ADARB2: variants seen among roughly 807,000 people sequenced by gnomAD.
ADARB2 encodes adenosine deaminase RNA specific B2 (inactive).
In ADARB2, 25 loss-of-function variants were observed where a neutral mutation model predicts 62.2. The ratio of observed to expected loss-of-function variants is 0.40; its 90% CI spans 0.29 to 0.56. The LOEUF is 0.56. Among genes scored for constraint, ADARB2 ranks in the 20% least tolerant of loss-of-function variants. ADARB2 has a pLI of 0.43. For synonymous variants in ADARB2, 572 were observed against 500.8 expected (o/e 1.14, Z -1.90); for missense variants, 1,071 against 1,077.4 (o/e 0.99, Z 0.08).
chr10:1,636,986 G>A (rs1375554790), intron 1 of ADARB2, among the ~76,000 whole-genome samples: 2 of 150,512 alleles, frequency 1.3e-5, no homozygotes, highest in Admixed American at 1.3e-4. Context: ...TTTAACTTTT[G>A]GCACTTACAA....
intron 1 of ADARB2, among the ~76,000 whole-genome samples, 171 bp downstream of exon 1, chr10:1,736,880 G>C (rs1055247155): frequency 1.4e-4 from 21 of 152,224 alleles, no homozygotes; most frequent in Non-Finnish European, 1.6e-4. Flanking sequence ...GGAGGCCCCA[G>C]ACATTTCCAC....
intron 3 of ADARB2, among the ~76,000 whole-genome samples, chr10:1,294,388 T>C (rs1309947213): frequency 6.6e-6 from 1 of 152,168 alleles, no homozygotes; most frequent in Non-Finnish European, 1.5e-5. Context: ...CACTTACCCA[T>C]CTTCAGTGTG....
rs2676737 is a variant in ADARB2, at chr10:1,524,576, C to G, written c.101-145416G>C. The stretch of plus-strand genomic sequence containing the variant: ...AGCCCTAATGAAAAATGTAGTATCT[C>G]CCACTTCTCCTTTCTATTGCCTTTT... On this transcript the variant is annotated intron_variant, in intron 1 of 9. Coordinates refer to ENST00000381312, the MANE Select transcript of ADARB2 (RefSeq NM_018702.4). Among the ~76,000 whole-genome samples, 1,075 of 152,282 alleles carry G rather than the reference C, an allele frequency of 7.1e-3. 15 individuals carry two copies. The highest frequency in any genetic ancestry group is 0.025 in the African/African-American group (1,028 of 41,554).
At chr10:1,273,215 C>T (rs1269371981) in intron 3 of ADARB2, among the ~76,000 whole-genome samples, 3 of 152,230 alleles carry the variant, frequency 2.0e-5, no homozygotes, top group African/African-American at 2.4e-5. Context: ...GCTGCACCCT[C>T]GTTTACTCTT....
chr10:1,606,642 CG>C (rs1833497565), intron 1 of ADARB2, among the ~76,000 whole-genome samples: 1 of 152,032 alleles, frequency 6.6e-6, no homozygotes, highest in Admixed American at 6.5e-5. Context: ...TCTTTCTGGC[CG>C]GAAGTTCTTT....
chr10:1,666,382 A>G (rs1349025493), intron 1 of ADARB2, among the ~76,000 whole-genome samples: 1 of 152,240 alleles, frequency 6.6e-6, no homozygotes, highest in Non-Finnish European at 1.5e-5. Flanking sequence ...AAGGGGGGCC[A>G]GTAGCACATG....
chr10:1,633,532 T>C (rs1406894475), intron 1 of ADARB2, among the ~76,000 whole-genome samples: 1 of 128,316 alleles, frequency 7.8e-6, no homozygotes, highest in Non-Finnish European at 1.8e-5. Flanking sequence ...AGTCTGTCTG[T>C]CTGTCTGTCT....
At chr10:1,307,682 A>G (rs1260087981) in intron 3 of ADARB2, among the ~76,000 whole-genome samples, 1 of 98,842 alleles carries the variant, frequency 1.0e-5, no homozygotes, top group Admixed American at 1.1e-4. Flanking sequence ...AACCAACCCA[A>G]ATGTCCAATA....
At chr10:1,344,622 C>T (rs571998809) in intron 3 of ADARB2, among the ~76,000 whole-genome samples, 9 of 152,346 alleles carry the variant, frequency 5.9e-5, no homozygotes, top group African/African-American at 1.7e-4. Context: ...GAGTCGCACA[C>T]GGACCCCATG....
chr10:1,260,042 G>A (rs372102357), intron 4 of ADARB2, among the ~76,000 whole-genome samples: 5 of 151,932 alleles, frequency 3.3e-5, no homozygotes, highest in Non-Finnish European at 2.9e-5. Flanking sequence ...AGAACCAAAG[G>A]CAAAAACCAC....
intron 1 of ADARB2, among the ~76,000 whole-genome samples, chr10:1,532,496 G>T (rs1342532183): frequency 6.6e-6 from 1 of 152,084 alleles, no homozygotes; most frequent in Non-Finnish European, 1.5e-5. Context: ...TCTGCTGTGG[G>T]CCTGTAGCTG....
In ADARB2 at chr10:1,737,446, G is replaced by A. The variant is rs1013349537; in HGVS notation, c.-296C>T. 2.4e-5 allele frequency: 10 copies of A among 417,972 alleles called. No individual in the cohort carries two copies. The highest frequency in any genetic ancestry group is 4.4e-5 in the Non-Finnish European group (10 of 229,080). The allele number at this position is 417,972 out of a possible 1,614,324, so 25.9% of individuals were successfully genotyped here. On this transcript the variant is annotated 5_prime_UTR_variant, in exon 1 of 10. Transcript: ENST00000381312. The stretch of plus-strand genomic sequence containing the variant: ...CCTGAGTGCTCCGAGCTTCCCGCGG[G>A]CTCTGCCTCCTGCTCTGGGCTCCCA...
chr10:1,420,539 G>C (rs1304434013), intron 1 of ADARB2, among the ~76,000 whole-genome samples: 3 of 150,436 alleles, frequency 2.0e-5, no homozygotes, highest in African/African-American at 7.4e-5. Context: ...GCTGGACTCA[G>C]GACCATGGTT....
intron 5 of ADARB2, among the ~76,000 whole-genome samples, chr10:1,236,320 T>TACTCCCCTCTGCCTCCCGGTGTTC (rs1830867895): frequency 1.3e-4 from 2 of 15,474 alleles, no homozygotes; most frequent in Non-Finnish European, 2.4e-4. Flanking sequence ...TCCCGGTGTT[T>TACTCCCCTCTGCCTCCCGGTGTTC]ACTCCCCTCT....
intron 1 of ADARB2, among the ~76,000 whole-genome samples, chr10:1,595,511 G>T (rs1313363077): frequency 6.6e-6 from 1 of 152,168 alleles, no homozygotes; most frequent in Non-Finnish European, 1.5e-5. Context: ...AGGGGCATCT[G>T]CTGGTCGGAA....
At chr10:1,312,039 G>T (rs1831696794) in intron 3 of ADARB2, among the ~76,000 whole-genome samples, 1 of 152,214 alleles carries the variant, frequency 6.6e-6, no homozygotes, top group South Asian at 2.1e-4. Context: ...TACCGGAGTA[G>T]CATCTGTCGC....
Position 1,398,027 on chromosome 10 carries a change from GGCTTCCTGGGTC to G in ADARB2, c.101-18879_101-18868del, listed in dbSNP as rs2131870092. ...GTCCTCCTCTCCCCTCCCGAGTGCAGGCTTCCTGGGTCACCGTCCTCCTCTCCCCTCCCGAGT... is the reference window on the plus strand; with the variant it reads ...GTCCTCCTCTCCCCTCCCGAGTGCAGACCGTCCTCCTCTCCCCTCCCGAGT... On this transcript the variant is annotated intron_variant, in intron 1 of 9. Coordinates refer to ENST00000381312, the MANE Select transcript of ADARB2 (RefSeq NM_018702.4). The surrounding 1 kb of genome is among the most constrained non-coding windows in gnomAD (Gnocchi z 4.1). 1.5e-5 allele frequency among the ~76,000 whole-genome samples: 2 copies of G among 136,106 alleles called. No homozygotes were observed. The highest frequency in any genetic ancestry group is 3.1e-5 in the Non-Finnish European group (2 of 63,674). 89.3% of individuals were successfully genotyped at this position (136,106 alleles called of 152,430 possible).
chr10:1,676,822 A>AAGTG (rs1245014985), intron 1 of ADARB2, among the ~76,000 whole-genome samples: 1 of 152,044 alleles, frequency 6.6e-6, no homozygotes, highest in Non-Finnish European at 1.5e-5. Flanking sequence ...CAAGGAAGTG[A>AAGTG]AGTGATGGTC....
intron 3 of ADARB2, among the ~76,000 whole-genome samples, chr10:1,327,082 G>A (rs1831865225): frequency 1.0e-5 from 1 of 97,938 alleles, no homozygotes; most frequent in Non-Finnish European, 2.1e-5. Flanking sequence ...ACTGCACAGC[G>A]CCTCCTCACT....
Sources: allele counts gnomAD v4.1 joint callset (sites outside exome capture counted in the v4.1 genomes callset), GRCh38; gene constraint gnomAD v4.1.1; non-coding constraint Gnocchi (gnomAD v3.1); transcripts MANE v1.5; gene names NCBI Gene and HGNC (gene_info 2026-07-23, HGNC 2026-07-21).